The following PAX3 variants were observed in gnomAD, a reference collection of about 807,000 sequenced individuals.
PAX3 encodes paired box protein Pax-3.
A neutral mutation model predicts 51.6 loss-of-function variants in PAX3; 14 were observed. The ratio of observed to expected loss-of-function variants is 0.27; its 90% CI spans 0.18 to 0.42. The LOEUF (loss-of-function observed/expected upper bound fraction) is 0.42, where lower values mean the gene tolerates loss of function less well. Among genes scored for constraint, PAX3 ranks in the 10% least tolerant of loss-of-function variants. The pLI is 1.00. For missense variants in PAX3, 540 were observed against 642.8 expected, an observed-to-expected ratio of 0.84 and a Z score of 1.73; for synonymous variants, 280 against 253.4, an observed-to-expected ratio of 1.11 and a Z score of -1.00.
intron 4 of PAX3, among the ~76,000 whole-genome samples, chr2:222,273,349 G>A (rs997793482): frequency 6.6e-6 from 1 of 152,176 alleles, no homozygotes; most frequent in Non-Finnish European, 1.5e-5. Flanking sequence ...ACGCCTGTGT[G>A]TCCATGTGTG....
At chr2:222,283,540 C>A (rs1172391662) in intron 4 of PAX3, among the ~76,000 whole-genome samples, 1 of 152,142 alleles carries the variant, frequency 6.6e-6, no homozygotes, top group East Asian at 1.9e-4. Context: ...GTATATATTT[C>A]ACTTGAGTGT....
intron 4 of PAX3, among the ~76,000 whole-genome samples, chr2:222,286,740 A>T (rs951257689): frequency 1.3e-5 from 2 of 152,242 alleles, no homozygotes; most frequent in Non-Finnish European, 2.9e-5. Context: ...TTTCAAAGAC[A>T]CATGGCCACT....
At chr2:222,290,505 G>A (rs1453254343) in intron 4 of PAX3, among the ~76,000 whole-genome samples, 1 of 152,140 alleles carries the variant, frequency 6.6e-6, no homozygotes, top group Non-Finnish European at 1.5e-5. Flanking sequence ...ATTTTAAAAG[G>A]GAGGAAAGTC....
chr2:222,255,782 C>CTTT lies in PAX3; in HGVS notation c.587-23502_587-23500dup, dbSNP rs71781283. On this transcript the variant is annotated intron_variant, in intron 4 of 8. Coordinates refer to ENST00000392070, the MANE Select transcript of PAX3 (RefSeq NM_181458.4). ...TAGTAACAGTATGCCCAATTATATT[C>CTTT]TTTTTTTTTTTTTTTTTGAGACAGA... Among the ~76,000 whole-genome samples the CTTT allele has an allele frequency of 6.5e-3, 887 of 136,504 alleles. 17 individuals are homozygous for CTTT. The highest frequency in any genetic ancestry group is 0.023 in the African/African-American group (848 of 36,686). The allele number at this position is 136,504 out of a possible 152,430, so 89.6% of individuals were successfully genotyped here.
intron 4 of PAX3, among the ~76,000 whole-genome samples, chr2:222,256,161 T>C (rs772126626): frequency 1.3e-5 from 2 of 152,144 alleles, no homozygotes; most frequent in African/African-American, 2.4e-5. Flanking sequence ...CTTAGAGTCA[T>C]GGGCTCCTTT....
rs1455014714 is a variant in PAX3 at position 222,295,629 on chromosome 2, T to G, written c.350A>C (p.Lys117Thr). 1.2e-6 allele frequency: 2 copies of G among 1,614,192 alleles called. No homozygotes were observed. Among genetic ancestry groups the G allele is most frequent in the Non-Finnish European group, 8.5e-7 (1 of 1,180,034 alleles). Residue 117 changes from lysine to threonine, a missense_variant, in exon 3 of 9, where the codon AAA becomes ACA. Lys to Thr is a moderately conservative substitution (Grantham distance 78). Coordinates refer to ENST00000392070, the MANE Select transcript of PAX3 (RefSeq NM_181458.4). ...KQVTTPDVEKKIEEYKRENPG... is the reference protein window; with the variant it reads ...KQVTTPDVEKTIEEYKRENPG... ...GTTCTCTCTTTTGTATTCCTCAATT[T>G]TCTTCTCCACGTCAGGCGTTGTCAC...
At position 222,235,494 on chromosome 2, in the gene PAX3, C is replaced by CA. The variant is rs1228599485; in HGVS notation, c.587-3212dup. On this transcript the variant is annotated intron_variant, in intron 4 of 8. Coordinates refer to ENST00000392070, the MANE Select transcript of PAX3 (RefSeq NM_181458.4). ...TGGAAGTCTGTGAGGCCTGAACAAT[C>CA]ATGTTGAATGTTTAGCAGGTATTTA... 9.2e-5 allele frequency among the ~76,000 whole-genome samples: 14 copies of CA among 152,300 alleles called. No individual in the cohort carries two copies. The South Asian group carries it at 2.9e-3, about 32-fold the overall frequency.
At chr2:222,251,782 A>C (rs1420284386) in intron 4 of PAX3, among the ~76,000 whole-genome samples, 3 of 152,100 alleles carry the variant, frequency 2.0e-5, no homozygotes, top group Non-Finnish European at 2.9e-5. Flanking sequence ...TTGTTTCCTG[A>C]CTTTTTAATG....
chr2:222,248,663 G>A (rs1164742258), intron 4 of PAX3, among the ~76,000 whole-genome samples: 1 of 152,116 alleles, frequency 6.6e-6, no homozygotes, highest in African/African-American at 2.4e-5. Context: ...AATAGTCAGA[G>A]GTCAGCAAAG....
chr2:222,243,156 T>C (rs1456628944), intron 4 of PAX3, among the ~76,000 whole-genome samples: 2 of 151,506 alleles, frequency 1.3e-5, no homozygotes, highest in African/African-American at 4.9e-5. Flanking sequence ...GTTTGGAAAA[T>C]AAAAAAAAGG....
intron 7 of PAX3, among the ~76,000 whole-genome samples, chr2:222,207,967 A>ATATATG (rs1419874842): frequency 2.7e-5 from 4 of 149,874 alleles, no homozygotes; most frequent in Non-Finnish European, 4.5e-5. Flanking sequence ...TAAAGTGTGT[A>ATATATG]TATATGTATA....
intron 4 of PAX3, among the ~76,000 whole-genome samples, chr2:222,243,335 C>T (rs7576375): frequency 0.48 from 72,809 of 152,010 alleles, 17,879 homozygotes; most frequent in East Asian, 0.8. Flanking sequence ...CAGATGAAGC[C>T]CAGAGAGAGC....
chr2:222,204,968 A>T (rs1691448313), intron 7 of PAX3, among the ~76,000 whole-genome samples: 1 of 152,152 alleles, frequency 6.6e-6, no homozygotes, highest in Non-Finnish European at 1.5e-5. Context: ...TTTTTAAAAA[A>T]ATCCCCTGCC....
At chr2:222,270,216 G>C (rs1694201540) in intron 4 of PAX3, among the ~76,000 whole-genome samples, 1 of 152,196 alleles carries the variant, frequency 6.6e-6, no homozygotes. Context: ...ATTAAAGAAG[G>C]ATTTCAGTCC....
intron 4 of PAX3, among the ~76,000 whole-genome samples, chr2:222,257,483 C>A (rs546207107): frequency 7.2e-4 from 109 of 152,226 alleles, no homozygotes; most frequent in African/African-American, 2.5e-3. Flanking sequence ...TGCTGTTTTG[C>A]CATGCTAATT....
chr2:222,242,798 A>G (rs1000466384), intron 4 of PAX3: 1 of 152,344 alleles, frequency 6.6e-6, no homozygotes, highest in East Asian at 1.9e-4. Flanking sequence ...AACTCTGCTT[A>G]TGAAATCTAA....
intron 4 of PAX3, among the ~76,000 whole-genome samples, chr2:222,233,287 C>T (rs1349885398): frequency 1.3e-5 from 2 of 152,034 alleles, no homozygotes; most frequent in African/African-American, 2.4e-5. Context: ...TGCCTGTACT[C>T]ACATGTGGAA....
intron 4 of PAX3, among the ~76,000 whole-genome samples, chr2:222,247,211 T>G (rs1477292394): frequency 6.6e-6 from 1 of 152,154 alleles, no homozygotes; most frequent in African/African-American, 2.4e-5. Flanking sequence ...TCAAATATTT[T>G]CTTCTTTCTG....
chr2:222,278,005 G>C (rs1430539844), intron 4 of PAX3, among the ~76,000 whole-genome samples: 1 of 149,860 alleles, frequency 6.7e-6, no homozygotes. Flanking sequence ...TATCGTGTTA[G>C]TGTTAGTGTA....
Sources: gnomAD v4.1 joint callset for allele counts (sites outside exome capture counted in the v4.1 genomes callset) on GRCh38, gnomAD v4.1.1 for gene constraint, MANE v1.5 for transcripts, NCBI Gene and HGNC (gene_info 2026-07-23, HGNC 2026-07-21) for gene names.